Variants in ADCY2 observed in about 807,000 individuals in gnomAD.
ADCY2 encodes adenylate cyclase 2.
Under a neutral mutation model 125.2 loss-of-function variants are expected in ADCY2, and 31 were observed. The ratio of observed to expected loss-of-function variants is 0.25; its 90% CI spans 0.19 to 0.33. ADCY2 has a LOEUF of 0.33. Ranked by LOEUF, ADCY2 falls within the 10% of genes least tolerant of loss-of-function variation. The pLI is 1.00. For missense variants in ADCY2, 904 were observed against 1,418.2 expected (o/e 0.64, Z 5.82); for synonymous variants, 512 against 548.4 (o/e 0.93, Z 0.93).
intron 2 of ADCY2, among the ~76,000 whole-genome samples, chr5:7,510,967 G>A (rs1009218733): frequency 4.6e-5 from 7 of 152,188 alleles, no homozygotes; most frequent in Non-Finnish European, 8.8e-5. Context: ...ACACGTGTGT[G>A]CAGCACCTGA....
intron 1 of ADCY2, among the ~76,000 whole-genome samples, chr5:7,409,921 A>G (rs371417767): frequency 1.3e-5 from 2 of 152,342 alleles, no homozygotes; most frequent in South Asian, 2.1e-4. Flanking sequence ...TCATGGTAAA[A>G]TGGAGTATGA....
intron 18 of ADCY2, among the ~76,000 whole-genome samples, chr5:7,781,817 C>T (rs1743930372): frequency 6.6e-6 from 1 of 152,196 alleles, no homozygotes; most frequent in Non-Finnish European, 1.5e-5. Flanking sequence ...CATGCCCCTC[C>T]TTCTCACCAC....
chr5:7,471,953 T>C (rs1742355003), intron 2 of ADCY2, among the ~76,000 whole-genome samples: 1 of 152,258 alleles, frequency 6.6e-6, no homozygotes, highest in African/African-American at 2.4e-5. Flanking sequence ...CCTGGAGGCC[T>C]CTTTTTGTTT....
chr5:7,491,275 A>G (rs1443776057), intron 2 of ADCY2, among the ~76,000 whole-genome samples: 2 of 151,534 alleles, frequency 1.3e-5, no homozygotes, highest in African/African-American at 2.4e-5. Context: ...TTTTTGAGAC[A>G]CAGTCTTGCT....
chr5:7,788,485 T>C (rs1744152860), intron 19 of ADCY2, among the ~76,000 whole-genome samples: 1 of 152,208 alleles, frequency 6.6e-6, no homozygotes, highest in African/African-American at 2.4e-5. Flanking sequence ...TGGCTAAATA[T>C]AAACAAACTT....
chr5:7,763,795 A>G (rs889351396), intron 16 of ADCY2, among the ~76,000 whole-genome samples: 1 of 152,144 alleles, frequency 6.6e-6, no homozygotes, highest in African/African-American at 2.4e-5. Context: ...TTTTCCAGCC[A>G]GTGGCAAGCA....
chr5:7,722,724 C>T (rs891831534), intron 12 of ADCY2, among the ~76,000 whole-genome samples: 1 of 151,850 alleles, frequency 6.6e-6, no homozygotes, highest in Non-Finnish European at 1.5e-5. Context: ...TTTGCAAGGC[C>T]GAGGTGGGCA....
intron 5 of ADCY2, among the ~76,000 whole-genome samples, chr5:7,693,062 G>T (rs963423327): frequency 2.0e-5 from 3 of 152,108 alleles, no homozygotes; most frequent in Non-Finnish European, 4.4e-5. Flanking sequence ...CTGTTGCTCA[G>T]CCAGAAACAG....
chr5:7,596,432 G>T (rs1248585808), intron 3 of ADCY2, among the ~76,000 whole-genome samples: 1 of 152,148 alleles, frequency 6.6e-6, no homozygotes, highest in Non-Finnish European at 1.5e-5. Context: ...TTTGTCAAAG[G>T]AGTTGTCTTC....
At chr5:7,749,072 C>T (rs1742723530) in intron 15 of ADCY2, among the ~76,000 whole-genome samples, 1 of 152,128 alleles carries the variant, frequency 6.6e-6, no homozygotes, top group Non-Finnish European at 1.5e-5. Flanking sequence ...TGGACATGGA[C>T]CAGCATGGCA....
At chr5:7,527,015 G>A (rs1734495776) in intron 3 of ADCY2, among the ~76,000 whole-genome samples, 1 of 152,172 alleles carries the variant, frequency 6.6e-6, no homozygotes, top group Admixed American at 6.5e-5. Context: ...AGGATAACAT[G>A]CATTTGACTG....
chr5:7,826,656 A>C, intron 24 of ADCY2, 63 bp from the exon 25 acceptor site: 1 of 1,608,702 alleles, frequency 6.2e-7, no homozygotes, highest in Non-Finnish European at 8.5e-7. Flanking sequence ...TGCATCCTTG[A>C]GTCAGATGGG....
chr5:7,728,674 T>C (rs1331845808), intron 14 of ADCY2, among the ~76,000 whole-genome samples: 1 of 152,182 alleles, frequency 6.6e-6, no homozygotes, highest in Non-Finnish European at 1.5e-5. Flanking sequence ...GCTACATACG[T>C]GAAATAACTA....
chr5:7,559,312 G>T (rs1017691925), intron 3 of ADCY2, among the ~76,000 whole-genome samples: 9 of 152,162 alleles, frequency 5.9e-5, no homozygotes, highest in African/African-American at 2.2e-4. Flanking sequence ...CAGAAGCATG[G>T]AATGTTTTTC....
chr5:7,701,417 C>A (rs560362898), intron 7 of ADCY2, among the ~76,000 whole-genome samples: 2 of 152,246 alleles, frequency 1.3e-5, no homozygotes, highest in East Asian at 3.9e-4. Context: ...GTCACCAGTT[C>A]ATTAGAAATA....
intron 1 of ADCY2, among the ~76,000 whole-genome samples, chr5:7,399,178 C>CT (rs1409614833): frequency 1.3e-5 from 2 of 152,122 alleles, no homozygotes; most frequent in South Asian, 2.1e-4. Flanking sequence ...GGACAGATTC[C>CT]TTTTTTTCCC....
In ADCY2 at chr5:7,827,876, A is replaced by G. The variant is rs1055417643; in HGVS notation, c.*1005A>G. ...CGTCCACTACGCTCCTGTCTCCAAG[A>G]ATGTTTTGCTAGAGCTAACAGACAT... On this transcript the variant is annotated 3_prime_UTR_variant, in exon 25 of 25. Transcript: ENST00000338316. 6.6e-6 allele frequency: 1 copy of G among 152,426 alleles called. No individual in the cohort carries two copies. Among genetic ancestry groups the G allele is most frequent in the Non-Finnish European group, 1.5e-5 (1 of 68,046 alleles). 9.4% of individuals were successfully genotyped at this position (152,426 alleles called of 1,614,324 possible). A position where few individuals can be genotyped will look rare whatever the true frequency, so the allele number is the denominator to read the frequency against.
At chr5:7,480,837 G>A (rs1342537668) in intron 2 of ADCY2, among the ~76,000 whole-genome samples, 2 of 152,186 alleles carry the variant, frequency 1.3e-5, no homozygotes, top group Non-Finnish European at 2.9e-5. Flanking sequence ...TGGCTGAATA[G>A]TACTCCATTA....
chr5:7,690,761 T>C lies in ADCY2; in HGVS notation c.791T>C (p.Leu264Pro). The change falls in exon 5 of 25, where the codon CTG becomes CCG. Residue 264 changes from leucine to proline, a missense_variant. Around this residue, in one of 7 missense-constraint regions of ADCY2, gnomAD observed 117 missense variants for 248.0 expected, o/e 0.47. Coordinates refer to ENST00000338316, the MANE Select transcript of ADCY2 (RefSeq NM_020546.3). ...MEMKAEIIQR[L>P]QGPKAGQMEN... ...ATGAAAGCGGAGATCATCCAGAGGCTGCAGGGCCCCAAGGCGGGCCAGATG... is the reference window on the plus strand; with the variant it reads ...ATGAAAGCGGAGATCATCCAGAGGCCGCAGGGCCCCAAGGCGGGCCAGATG... 1 of 1,610,952 alleles carries C rather than the reference T, an allele frequency of 6.2e-7. No individual in the cohort carries two copies. The highest frequency in any genetic ancestry group is 2.2e-5 in the East Asian group (1 of 44,492).
Sources: gnomAD v4.1 joint callset for allele counts (sites outside exome capture counted in the v4.1 genomes callset) on GRCh38, gnomAD v4.1.1 for gene constraint, gnomAD v4.1.1 regional missense constraint, MANE v1.5 for transcripts, NCBI Gene and HGNC (gene_info 2026-07-23, HGNC 2026-07-21) for gene names.